CACNB4: variants seen among roughly 807,000 people sequenced by gnomAD.
CACNB4 encodes voltage-dependent L-type calcium channel subunit beta-4.
In CACNB4, 32 loss-of-function variants were observed where a neutral mutation model predicts 71.2. The ratio of observed to expected loss-of-function variants is 0.45; its 90% CI spans 0.34 to 0.60. The LOEUF is 0.60. CACNB4 is among the 20% of genes least tolerant of loss of function. The probability of loss-of-function intolerance (pLI) is 0.01; values close to 1 mark genes in which losing one functional copy is unlikely to be tolerated. For missense variants in CACNB4, 464 were observed against 647.9 expected, an observed-to-expected ratio of 0.72 and a Z score of 3.08; for synonymous variants, 231 against 236.9, an observed-to-expected ratio of 0.97 and a Z score of 0.23.
At chr2:152,006,701 T>A (rs941592643) in intron 2 of CACNB4, among the ~76,000 whole-genome samples, 1 of 152,102 alleles carries the variant, frequency 6.6e-6, no homozygotes, top group African/African-American at 2.4e-5. Flanking sequence ...TGGCCCTATA[T>A]CTCTTACTCT....
intron 2 of CACNB4, among the ~76,000 whole-genome samples, chr2:151,947,536 A>T (rs540028311): frequency 6.6e-6 from 1 of 152,326 alleles, no homozygotes; most frequent in Non-Finnish European, 1.5e-5. Context: ...ACATAGAATA[A>T]GTAACTTCAG....
At position 152,098,579 on chromosome 2, in the gene CACNB4, C is replaced by CCCCCCCACCAAA; in HGVS notation, c.64-167_64-166insTTTGGTGGGGGG. On this transcript the variant is annotated intron_variant, in intron 1 of 13. Coordinates refer to ENST00000539935, the MANE Select transcript of CACNB4 (RefSeq NM_000726.5). The surrounding 1 kb of genome is among the most constrained non-coding windows in gnomAD (Gnocchi z 5.3). The stretch of plus-strand genomic sequence containing the variant: ...CCCAAATACAGCCCCCACCCCCACC[C>CCCCCCCACCAAA]ACCCACTGCAAGCCTCGACTGCTGA... 1.1e-6 allele frequency: 1 copy of CCCCCCCACCAAA among 943,712 alleles called. No individual in the cohort carries two copies. Among genetic ancestry groups the CCCCCCCACCAAA allele is most frequent in the Non-Finnish European group, 1.7e-6 (1 of 591,324 alleles). 58.5% of individuals were successfully genotyped at this position (943,712 alleles called of 1,614,324 possible). A position where few individuals can be genotyped will look rare whatever the true frequency, so the allele number is the denominator to read the frequency against.
chr2:151,962,683 C>T (rs1384207484), intron 2 of CACNB4, among the ~76,000 whole-genome samples: 6 of 152,250 alleles, frequency 3.9e-5, no homozygotes, highest in African/African-American at 1.4e-4. Context: ...TTGTGACATT[C>T]TCTAGCATTG....
intron 2 of CACNB4, among the ~76,000 whole-genome samples, chr2:151,951,128 G>C (rs938976754): frequency 6.6e-6 from 1 of 152,152 alleles, no homozygotes; most frequent in Non-Finnish European, 1.5e-5. Context: ...GTTTCGCCAT[G>C]TTGGCCAGAC....
At chr2:151,980,660 C>T (rs1386709472) in intron 2 of CACNB4, among the ~76,000 whole-genome samples, 1 of 152,152 alleles carries the variant, frequency 6.6e-6, no homozygotes, top group East Asian at 1.9e-4. Context: ...AGTGCAGTGA[C>T]TGGCAAAAGA....
intron 2 of CACNB4, among the ~76,000 whole-genome samples, chr2:151,963,781 T>C (rs1012275963): frequency 6.6e-6 from 1 of 152,166 alleles, no homozygotes; most frequent in Non-Finnish European, 1.5e-5. Flanking sequence ...TGTAAAAGAA[T>C]GTTGGGCCAG....
intron 2 of CACNB4, among the ~76,000 whole-genome samples, chr2:152,081,793 A>C (rs1263644637): frequency 1.3e-5 from 2 of 152,248 alleles, no homozygotes; most frequent in Non-Finnish European, 2.9e-5. Context: ...AGTTAATGTT[A>C]CTTAAAAACA....
At chr2:151,891,808 G>A (rs2099850771) in intron 2 of CACNB4, among the ~76,000 whole-genome samples, 1 of 152,106 alleles carries the variant, frequency 6.6e-6, no homozygotes, top group African/African-American at 2.4e-5. Flanking sequence ...GGGAGAAGGT[G>A]GCCTCCAGCA....
intron 2 of CACNB4, among the ~76,000 whole-genome samples, chr2:152,060,721 T>C (rs1395031009): frequency 2.0e-5 from 3 of 151,978 alleles, no homozygotes; most frequent in African/African-American, 7.2e-5. Flanking sequence ...CAGGGGCAAG[T>C]TAAATACATC....
intron 2 of CACNB4, among the ~76,000 whole-genome samples, chr2:152,052,886 G>A (rs942348651): frequency 9.2e-5 from 14 of 152,002 alleles, no homozygotes; most frequent in African/African-American, 2.9e-4. Flanking sequence ...GGAGGCTGAG[G>A]CAGGAGAATC....
intron 2 of CACNB4, among the ~76,000 whole-genome samples, chr2:152,045,751 A>G (rs1685114128): frequency 1.3e-5 from 2 of 152,156 alleles, no homozygotes; most frequent in South Asian, 4.1e-4. Context: ...CAGTTCCAAG[A>G]GAGTTCAGAC....
At chr2:151,982,253 C>A (rs921962380) in intron 2 of CACNB4, among the ~76,000 whole-genome samples, 1 of 152,120 alleles carries the variant, frequency 6.6e-6, no homozygotes, top group Non-Finnish European at 1.5e-5. Context: ...CTCACAGCCT[C>A]CCTTGCAACT....
intron 2 of CACNB4, among the ~76,000 whole-genome samples, chr2:151,907,815 C>T: frequency 6.6e-6 from 1 of 152,208 alleles, no homozygotes; most frequent in Non-Finnish European, 1.5e-5. Flanking sequence ...AAGGAAAGTC[C>T]TCTTCACTGG....
chr2:151,992,899 G>A (rs10176783), intron 2 of CACNB4, among the ~76,000 whole-genome samples: 3 of 152,146 alleles, frequency 2.0e-5, no homozygotes, highest in East Asian at 1.9e-4. Flanking sequence ...GAAATATTCC[G>A]CTTCCTAAAT....
chr2:151,899,812 A>G (rs2099852946), intron 2 of CACNB4, among the ~76,000 whole-genome samples: 1 of 152,216 alleles, frequency 6.6e-6, no homozygotes, highest in African/African-American at 2.4e-5. Flanking sequence ...ATTAGTATGT[A>G]TGAGGCCTGT....
At chr2:151,890,816 T>C (rs1006629855) in intron 2 of CACNB4, among the ~76,000 whole-genome samples, 1 of 152,214 alleles carries the variant, frequency 6.6e-6, no homozygotes, top group Non-Finnish European at 1.5e-5. Context: ...ATGGTATCTG[T>C]AGGCTACCAA....
intron 2 of CACNB4, among the ~76,000 whole-genome samples, chr2:151,989,936 C>G (rs1382887888): frequency 6.6e-6 from 1 of 152,134 alleles, no homozygotes; most frequent in Non-Finnish European, 1.5e-5. Flanking sequence ...TTGGTATTCC[C>G]CCTAACAACT....
intron 2 of CACNB4, among the ~76,000 whole-genome samples, chr2:151,897,568 AC>A (rs1223447981): frequency 6.6e-6 from 1 of 152,238 alleles, no homozygotes; most frequent in Non-Finnish European, 1.5e-5. Flanking sequence ...AATAAGTCTG[AC>A]AGAGAAGCTA....
chr2:152,029,753 CT>C (rs1684181211), intron 2 of CACNB4, among the ~76,000 whole-genome samples: 1 of 152,126 alleles, frequency 6.6e-6, no homozygotes, highest in Non-Finnish European at 1.5e-5. Context: ...TGATTAGTGC[CT>C]TAATGAAAGA....
Sources: gnomAD v4.1 joint callset for allele counts (sites outside exome capture counted in the v4.1 genomes callset) on GRCh38, gnomAD v4.1.1 for gene constraint, Gnocchi (gnomAD v3.1) non-coding constraint, MANE v1.5 for transcripts, NCBI Gene and HGNC (gene_info 2026-07-23, HGNC 2026-07-21) for gene names.